NEBL: variants seen among roughly 807,000 people sequenced by gnomAD.
NEBL encodes LIM and SH3 protein 2.
A neutral mutation model predicts 140.2 loss-of-function variants in NEBL; 122 were observed. That is an observed-to-expected ratio of 0.87 (90% CI 0.75 to 1.01). NEBL has a LOEUF of 1.01. Among genes scored for constraint, NEBL ranks in the 50% least tolerant of loss-of-function variants. The pLI, the probability that NEBL is intolerant of heterozygous loss-of-function variation, is 0.00. For synonymous variants in NEBL, 436 were observed against 398.9 expected, an observed-to-expected ratio of 1.09 and a Z score of -1.11; for missense variants, 1,365 against 1,231.3, an observed-to-expected ratio of 1.11 and a Z score of -1.62.
chr10:20,934,108 A>G (rs139230777), intron 4 of NEBL, among the ~76,000 whole-genome samples: 1,707 of 152,140 alleles, frequency 0.011, 24 homozygotes, highest in African/African-American at 0.031. Context: ...GCAAGTTCTC[A>G]CTCCCTGCTT....
chr10:21,277,024 G>T (rs188020309), intron 1 of NEBL, among the ~76,000 whole-genome samples: 1 of 151,886 alleles, frequency 6.6e-6, no homozygotes, highest in African/African-American at 2.4e-5. Context: ...AGCTACTTGG[G>T]AGGCTGAGGT....
chr10:20,826,409 G>T, intron 18 of NEBL, 38 bp downstream of exon 18: 1 of 1,512,840 alleles, frequency 6.6e-7, no homozygotes, highest in Non-Finnish European at 9.2e-7. Context: ...GTTTTGGTTT[G>T]CTTTTAGAAA....
chr10:21,251,765 G>A (rs1294322065), exon 2 of NEBL, among the ~76,000 whole-genome samples: 1 of 152,024 alleles, frequency 6.6e-6, no homozygotes, highest in African/African-American at 2.4e-5. Flanking sequence ...GAGAAAAGAT[G>A]GCCATCCATG....
chr10:21,069,570 G>A (rs1835722699), intron 2 of NEBL, among the ~76,000 whole-genome samples: 1 of 152,174 alleles, frequency 6.6e-6, no homozygotes, highest in Non-Finnish European at 1.5e-5. Context: ...CCATTAACCA[G>A]GGCATCCTGA....
intron 2 of NEBL, among the ~76,000 whole-genome samples, chr10:21,166,582 T>C (rs942308300): frequency 6.6e-6 from 1 of 152,246 alleles, no homozygotes; most frequent in Admixed American, 6.5e-5. Flanking sequence ...CCTGGAGGTC[T>C]GCCATGTGCC....
chr10:20,967,837 T>C (rs1185374230), intron 3 of NEBL, among the ~76,000 whole-genome samples: 2 of 152,180 alleles, frequency 1.3e-5, no homozygotes, highest in Admixed American at 6.5e-5. Context: ...ACACATTATA[T>C]ATAATCTTTT....
At chr10:20,812,652 G>T in intron 24 of NEBL, 117 bp downstream of exon 24, 2 of 1,266,820 alleles carry the variant, frequency 1.6e-6, no homozygotes, top group Non-Finnish European at 1.1e-6. Flanking sequence ...ATTTTAAATT[G>T]GGTACCACAA....
chr10:21,082,992 C>T (rs945465815), intron 2 of NEBL, among the ~76,000 whole-genome samples: 3 of 152,060 alleles, frequency 2.0e-5, no homozygotes, highest in African/African-American at 7.2e-5. Flanking sequence ...GAACTCCTGA[C>T]CTCAGTTGAT....
At chr10:20,939,848 A>G (rs1451488069) in intron 4 of NEBL, among the ~76,000 whole-genome samples, 5 of 152,244 alleles carry the variant, frequency 3.3e-5, no homozygotes, top group Admixed American at 1.3e-4. Flanking sequence ...AGGCCATTAC[A>G]TAATGGTAAA....
intron 2 of NEBL, among the ~76,000 whole-genome samples, chr10:21,140,787 G>C (rs1839591532): frequency 6.6e-6 from 1 of 152,092 alleles, no homozygotes; most frequent in African/African-American, 2.4e-5. Context: ...ATGGGGGCCT[G>C]TCGGGGAGTG....
chr10:21,283,532 C>T (rs75298970), intron 1 of NEBL, among the ~76,000 whole-genome samples: 3 of 152,144 alleles, frequency 2.0e-5, no homozygotes, highest in African/African-American at 7.2e-5. Flanking sequence ...ATCTGGACCC[C>T]TTCCCTATAA....
chr10:20,796,611 A>G (rs1454890374), intron 26 of NEBL, among the ~76,000 whole-genome samples: 1 of 152,202 alleles, frequency 6.6e-6, no homozygotes, highest in Non-Finnish European at 1.5e-5. Flanking sequence ...AATATGGTTT[A>G]AATACAACTA....
rs189454338 is a variant in NEBL at position 21,227,673 on chromosome 10, T to C, written n.348+20248A>G. On this transcript the variant is annotated intron_variant and non_coding_transcript_variant, in intron 3 of 8. Coordinates refer to the NEBL transcript ENST00000675702. ...TGAAGTTTCTTCTTCTTCTTCTTCT[T>C]CTTCTTCTTCTTCTTCTTCTTCTTC... 3.4e-5 allele frequency among the ~76,000 whole-genome samples: 3 copies of C among 87,990 alleles called. No homozygotes were observed. In the East Asian group the frequency reaches 9.4e-4, roughly 28 times the overall value. 57.7% of individuals were successfully genotyped at this position (87,990 alleles called of 152,430 possible).
intron 1 of NEBL, among the ~76,000 whole-genome samples, chr10:21,290,035 C>T (rs1843122172): frequency 6.6e-6 from 1 of 152,166 alleles, no homozygotes; most frequent in Non-Finnish European, 1.5e-5. Flanking sequence ...TTGATCTTTA[C>T]CCTGTTATGG....
At chr10:21,270,824 C>A (rs1842852301) in intron 1 of NEBL, among the ~76,000 whole-genome samples, 1 of 152,156 alleles carries the variant, frequency 6.6e-6, no homozygotes, top group Admixed American at 6.5e-5. Context: ...ATAATTCACA[C>A]AACGTATGGA....
chr10:20,866,302 G>C (rs1844285272), intron 7 of NEBL, among the ~76,000 whole-genome samples: 3 of 151,876 alleles, frequency 2.0e-5, no homozygotes, highest in East Asian at 3.9e-4. Context: ...TGGTGGTGAG[G>C]GTAGCACAAC....
At chr10:21,134,995 GC>G (rs1357055742) in intron 2 of NEBL, among the ~76,000 whole-genome samples, 1 of 152,132 alleles carries the variant, frequency 6.6e-6, no homozygotes, top group Non-Finnish European at 1.5e-5. Context: ...GGATTATTCA[GC>G]TCGATTATTC....
rs370130361 is a variant in NEBL, at chr10:21,094,277, C to T, written c.165-74076G>A. ...CAGCACTTTGGGAGGCCGAGGTGGG[C>T]GGATCACGAGGTCAGGAGATCGAGA... On this transcript the variant is annotated intron_variant, in intron 2 of 6. Transcript: ENST00000417816. 6.7e-3 allele frequency among the ~76,000 whole-genome samples: 1,024 copies of T among 151,846 alleles called. 12 individuals are homozygous for T. The highest frequency in any genetic ancestry group is 0.023 in the African/African-American group (940 of 41,422).
chr10:21,033,190 G>C (rs1227729278), intron 2 of NEBL, among the ~76,000 whole-genome samples: 1 of 152,150 alleles, frequency 6.6e-6, no homozygotes, highest in Non-Finnish European at 1.5e-5. Context: ...TTACAGCCAA[G>C]AGAAACACAC....
Sources: gnomAD v4.1 joint callset for allele counts (sites outside exome capture counted in the v4.1 genomes callset) on GRCh38, gnomAD v4.1.1 for gene constraint, MANE v1.5 for transcripts, NCBI Gene and HGNC (gene_info 2026-07-23, HGNC 2026-07-21) for gene names.